Variants in ARHGEF3 observed in about 807,000 individuals in gnomAD.
ARHGEF3 encodes Rho guanine nucleotide exchange factor 3, also known as 59.8 kDA protein.
A neutral mutation model predicts 63.2 loss-of-function variants in ARHGEF3; 28 were observed. The observed-to-expected ratio is 0.44, with a 90% CI of 0.33 to 0.61. ARHGEF3 has a LOEUF of 0.61. Among genes scored for constraint, ARHGEF3 ranks in the 20% least tolerant of loss-of-function variants. ARHGEF3 has a pLI of 0.03. For synonymous variants in ARHGEF3, 266 were observed against 254.2 expected, an observed-to-expected ratio of 1.05 and a Z score of -0.44; for missense variants, 533 against 659.3, an observed-to-expected ratio of 0.81 and a Z score of 2.10.
At chr3:56,954,932 G>T (rs947673266) in intron 3 of ARHGEF3, among the ~76,000 whole-genome samples, 3 of 152,140 alleles carry the variant, frequency 2.0e-5, no homozygotes. Flanking sequence ...AGACGGGGGT[G>T]CAATACAACT....
intron 2 of ARHGEF3, among the ~76,000 whole-genome samples, chr3:56,970,746 G>C (rs1033121485): frequency 2.0e-5 from 3 of 152,232 alleles, no homozygotes; most frequent in Admixed American, 6.5e-5. Flanking sequence ...CTCCCAGAAG[G>C]AGAACTGCAA....
chr3:57,056,205 G>A (rs944976076), intron 1 of ARHGEF3, among the ~76,000 whole-genome samples: 4 of 151,980 alleles, frequency 2.6e-5, no homozygotes, highest in Admixed American at 2.0e-4. Context: ...GGCTAACATG[G>A]TGAAACCCCA....
chr3:56,870,427 T>C (rs557802341), intron 4 of ARHGEF3, among the ~76,000 whole-genome samples: 3 of 152,160 alleles, frequency 2.0e-5, no homozygotes, highest in Non-Finnish European at 4.4e-5. Context: ...GGCAAAAGTA[T>C]GGAGAGAGTA....
intron 2 of ARHGEF3, among the ~76,000 whole-genome samples, chr3:56,995,375 T>C (rs1002616107): frequency 3.3e-5 from 5 of 152,028 alleles, no homozygotes; most frequent in African/African-American, 1.2e-4. Flanking sequence ...CAAAGAGTAA[T>C]GTGAAATGCT....
At chr3:56,757,983 A>G (rs2035179660) in intron 2 of ARHGEF3, among the ~76,000 whole-genome samples, 2 of 149,488 alleles carry the variant, frequency 1.3e-5, no homozygotes, top group Admixed American at 1.3e-4. Context: ...CGGCCTCCCA[A>G]AGTGTCTAAA....
intron 2 of ARHGEF3, among the ~76,000 whole-genome samples, chr3:57,029,037 G>T (rs1351115742): frequency 6.9e-6 from 1 of 145,782 alleles, no homozygotes; most frequent in Non-Finnish European, 1.5e-5. Context: ...AGGACCTGAG[G>T]TTGAGGGACC....
chr3:56,896,516 T>A lies in ARHGEF3; in HGVS notation c.130-14162A>T, dbSNP rs141386787. ...GTGCCAACTATTCCAATAAAATGTT[T>A]CATAGCTATTGGTTTTCCTGGTCCA... On this transcript the variant is annotated intron_variant, in intron 3 of 12. Transcript: ENST00000338458. Among the ~76,000 whole-genome samples the A allele has an allele frequency of 2.0e-4, 30 of 152,334 alleles. 1 individual carries two copies. In the East Asian group the frequency reaches 4.2e-3, roughly 22 times the overall value.
intron 4 of ARHGEF3, among the ~76,000 whole-genome samples, chr3:56,820,874 A>G (rs943347835): frequency 6.6e-6 from 1 of 151,920 alleles, no homozygotes; most frequent in Admixed American, 6.6e-5. Flanking sequence ...ACTTATGAAA[A>G]AAAAGTGGTG....
At chr3:56,932,682 A>G (rs995794347) in intron 3 of ARHGEF3, among the ~76,000 whole-genome samples, 2 of 152,192 alleles carry the variant, frequency 1.3e-5, no homozygotes, top group Non-Finnish European at 2.9e-5. Flanking sequence ...ATAAACTTAC[A>G]TATGTTTATG....
intron 2 of ARHGEF3, among the ~76,000 whole-genome samples, chr3:56,759,600 T>C (rs957781628): frequency 6.6e-6 from 1 of 152,214 alleles, no homozygotes; most frequent in South Asian, 2.1e-4. Flanking sequence ...GGTGCAACCA[T>C]ATCTCACTGT....
rs530340942 is a variant in ARHGEF3 at position 57,011,162 on chromosome 3, C to T, written c.62+23926G>A. ...GGTGAAACTGGGACCGGAATGCAGC[C>T]TAATGAAGAAACAGAAGCACAGTTG... On this transcript the variant is annotated intron_variant, in intron 2 of 12. Transcript: ENST00000338458. Among the ~76,000 whole-genome samples, 462 of 152,276 alleles carry T rather than the reference C, an allele frequency of 3.0e-3. 2 individuals are homozygous for T. The highest frequency in any genetic ancestry group is 0.011 in the African/African-American group (445 of 41,546).
At chr3:56,822,182 C>T (rs72867720) in intron 4 of ARHGEF3, among the ~76,000 whole-genome samples, 97 of 152,232 alleles carry the variant, frequency 6.4e-4, no homozygotes, top group African/African-American at 2.1e-3. Flanking sequence ...GCTTTATATA[C>T]GTTATTCTCC....
At chr3:56,884,676 T>C (rs900546491) in intron 3 of ARHGEF3, among the ~76,000 whole-genome samples, 3 of 152,220 alleles carry the variant, frequency 2.0e-5, no homozygotes, top group Non-Finnish European at 2.9e-5. Context: ...GAGGGAAGCC[T>C]CGAGAAGATG....
chr3:56,732,825 T>C (rs745714070), intron 8 of ARHGEF3, among the ~76,000 whole-genome samples: 1 of 152,192 alleles, frequency 6.6e-6, no homozygotes, highest in African/African-American at 2.4e-5. Flanking sequence ...AGCACTCTCT[T>C]GACTTTAGTT....
chr3:56,792,334 G>C (rs2107924010), intron 1 of ARHGEF3, among the ~76,000 whole-genome samples: 1 of 152,070 alleles, frequency 6.6e-6, no homozygotes, highest in Admixed American at 6.6e-5. Flanking sequence ...CTCTTTATTT[G>C]TTCCAGGAAC....
intron 1 of ARHGEF3, among the ~76,000 whole-genome samples, chr3:56,777,317 G>A (rs74700141): frequency 0.012 from 1,874 of 152,250 alleles, 74 homozygotes; most frequent in East Asian, 0.11. Flanking sequence ...AAGAAGCGAC[G>A]GGTGGGAAGA....
intron 4 of ARHGEF3, among the ~76,000 whole-genome samples, chr3:56,856,708 G>T (rs2317253): frequency 0.5 from 68,699 of 137,386 alleles, 17,393 homozygotes; most frequent in East Asian, 0.63. Context: ...GAGGTTTTTT[G>T]TTTTTTTTTT....
chr3:56,996,891 T>TTTA (rs1553801019), intron 2 of ARHGEF3, among the ~76,000 whole-genome samples: 9 of 55,858 alleles, frequency 1.6e-4, no homozygotes, highest in East Asian at 4.7e-4. Context: ...ATTATTATTA[T>TTTA]TTTTTTTTTT....
At chr3:56,925,236 G>A (rs376991166) in intron 3 of ARHGEF3, among the ~76,000 whole-genome samples, 17 of 152,306 alleles carry the variant, frequency 1.1e-4, no homozygotes, top group South Asian at 2.1e-4. Flanking sequence ...AAGCCATGGC[G>A]TCTACACCTA....
Sources: gnomAD v4.1 joint callset for allele counts (sites outside exome capture counted in the v4.1 genomes callset) on GRCh38, gnomAD v4.1.1 for gene constraint, MANE v1.5 for transcripts, NCBI Gene and HGNC (gene_info 2026-07-23, HGNC 2026-07-21) for gene names.